The following SOS1 variants were observed in gnomAD, a reference collection of about 807,000 sequenced individuals.
SOS1 encodes the protein SOS Ras/Rac guanine nucleotide exchange factor 1.
Under a neutral mutation model 157.6 loss-of-function variants are expected in SOS1, and 25 were observed. The ratio of observed to expected loss-of-function variants is 0.16; its 90% CI spans 0.12 to 0.22. The LOEUF (loss-of-function observed/expected upper bound fraction) is 0.22, where lower values mean the gene tolerates loss of function less well. SOS1 is among the 10% of genes least tolerant of loss of function. The probability of loss-of-function intolerance (pLI) is 1.00; values close to 1 mark genes in which losing one functional copy is unlikely to be tolerated. For synonymous variants in SOS1, 528 were observed against 534.0 expected, an observed-to-expected ratio of 0.99 and a Z score of 0.16; for missense variants, 1,237 against 1,599.1, an observed-to-expected ratio of 0.77 and a Z score of 3.86.
At chr2:39,023,652 T>C (rs1669870083) in intron 9 of SOS1, 1 of 257,518 alleles carries the variant, frequency 3.9e-6, no homozygotes, top group Admixed American at 5.1e-5. Flanking sequence ...AGCAATGTTA[T>C]CTGAATTAAT....
intron 1 of SOS1, among the ~76,000 whole-genome samples, chr2:39,112,876 T>C (rs1485039887): frequency 6.6e-6 from 1 of 151,914 alleles, no homozygotes; most frequent in Non-Finnish European, 1.5e-5. Flanking sequence ...CTGTCTCTAC[T>C]AAAACACAAA....
At chr2:39,016,242 A>C (rs1445717352) in intron 10 of SOS1, among the ~76,000 whole-genome samples, 1 of 152,142 alleles carries the variant, frequency 6.6e-6, no homozygotes, top group Non-Finnish European at 1.5e-5. Context: ...TACTATTTTA[A>C]GTTAAAGATT....
At chr2:39,027,950 C>T (rs1400764361) in intron 8 of SOS1, among the ~76,000 whole-genome samples, 1 of 151,988 alleles carries the variant, frequency 6.6e-6, no homozygotes, top group African/African-American at 2.4e-5. Flanking sequence ...CCTACCTCAG[C>T]CTCCAGAGTA....
chr2:39,005,202 T>C (rs1477575908), intron 17 of SOS1, among the ~76,000 whole-genome samples: 2 of 152,162 alleles, frequency 1.3e-5, no homozygotes, highest in Admixed American at 6.5e-5. Context: ...GAATGTGGTC[T>C]TTCTCTCCCA....
chr2:39,119,106 A>C (rs1256002847), intron 1 of SOS1, among the ~76,000 whole-genome samples: 5 of 152,232 alleles, frequency 3.3e-5, no homozygotes, highest in Non-Finnish European at 7.3e-5. Flanking sequence ...ACAAGCTAAG[A>C]AGTCAAACTT....
chr2:39,103,642 G>A (rs1157037364), intron 1 of SOS1, among the ~76,000 whole-genome samples: 1 of 152,072 alleles, frequency 6.6e-6, no homozygotes. Context: ...AAAATTAACT[G>A]AAAATATATC....
At chr2:39,106,585 C>G (rs1274582344) in intron 1 of SOS1, among the ~76,000 whole-genome samples, 1 of 90,920 alleles carries the variant, frequency 1.1e-5, no homozygotes, top group Admixed American at 1.2e-4. Context: ...AGCGAGACTC[C>G]GTCTCAAAAA....
intron 5 of SOS1, among the ~76,000 whole-genome samples, chr2:39,052,855 A>G (rs188895894): frequency 2.0e-5 from 3 of 152,110 alleles, no homozygotes; most frequent in African/African-American, 7.2e-5. Flanking sequence ...TTATTGTTAT[A>G]AAGAACTGCC....
intron 10 of SOS1, among the ~76,000 whole-genome samples, chr2:39,016,729 T>G (rs946461358): frequency 6.6e-6 from 1 of 152,062 alleles, no homozygotes; most frequent in African/African-American, 2.4e-5. Context: ...AAAGGAAAAG[T>G]TTATTTCAGT....
rs2124537778 is a variant in SOS1 at position 39,023,165 on chromosome 2, C to T, written c.1263G>A (p.Lys421=). 1 of 1,613,226 alleles carries T rather than the reference C, an allele frequency of 6.2e-7. No homozygotes were observed. Among genetic ancestry groups the T allele is most frequent in the East Asian group, 2.2e-5 (1 of 44,866 alleles). ...QMKGKQLAIK[K]MNEIQKNIDG... ...CAATATTCTTCTGAATCTCGTTCAT[C>T]TTCTTGATTGCTAGTTGTTTCCCCT... Residue 421 remains lysine, a synonymous_variant, in exon 10 of 23, where the codon AAG becomes AAA. Transcript: ENST00000402219.
At chr2:38,988,117 G>C (rs941898972) in intron 21 of SOS1, among the ~76,000 whole-genome samples, 5 of 152,122 alleles carry the variant, frequency 3.3e-5, no homozygotes, top group African/African-American at 1.2e-4. Flanking sequence ...GTCTAGGTGA[G>C]GGGCCTCTCC....
intron 4 of SOS1, 46 bp downstream of exon 4, chr2:39,056,656 C>A: frequency 8.0e-7 from 1 of 1,248,578 alleles, no homozygotes; most frequent in South Asian, 1.2e-5. Flanking sequence ...TCTAATAAGT[C>A]ATAAAAAGAA....
intron 22 of SOS1, 23 bp downstream of exon 22, chr2:38,987,450 C>T: frequency 1.6e-6 from 2 of 1,215,150 alleles, no homozygotes; most frequent in Non-Finnish European, 2.4e-6. Flanking sequence ...CCAATTTCTA[C>T]ACAACAAGAT....
chr2:39,048,662 A>G (rs762152232), intron 6 of SOS1, among the ~76,000 whole-genome samples: 1 of 152,038 alleles, frequency 6.6e-6, no homozygotes, highest in South Asian at 2.1e-4. Context: ...TCAGTCTCCC[A>G]AAGTGCTGGG....
In SOS1 at chr2:39,058,713, G is replaced by A; in HGVS notation, c.305C>T (p.Pro102Leu). ...SAIEKRKRRN[P>L]LSLPVEKIHP... Reference sequence around the variant, plus strand: ...AATTTTTTCTACTGGGAGAGATAAAGGGTTTCTTCGCTTCCTCTTTTCAAT... The same window carrying A: ...AATTTTTTCTACTGGGAGAGATAAAAGGTTTCTTCGCTTCCTCTTTTCAAT... The change falls in exon 3 of 23, where the codon CCT becomes CTT. Residue 102 changes from proline to leucine, a missense_variant. Physicochemically the swap from Pro to Leu is moderately conservative, Grantham distance 98. Transcript: ENST00000402219. 1 of 1,612,890 alleles carries A rather than the reference G, an allele frequency of 6.2e-7. No homozygotes were observed. Among genetic ancestry groups the A allele is most frequent in the Non-Finnish European group, 8.5e-7 (1 of 1,179,140 alleles).
intron 17 of SOS1, among the ~76,000 whole-genome samples, chr2:39,000,839 T>G (rs1669073011): frequency 6.6e-6 from 1 of 152,192 alleles, no homozygotes; most frequent in Non-Finnish European, 1.5e-5. Context: ...ATGAAAGAAG[T>G]ATATTGTTTC....
At chr2:39,005,504 C>T (rs887241327) in intron 17 of SOS1, among the ~76,000 whole-genome samples, 2 of 151,808 alleles carry the variant, frequency 1.3e-5, no homozygotes, top group Admixed American at 6.6e-5. Flanking sequence ...TAATAAAATA[C>T]AAAAATATAA....
intron 10 of SOS1, among the ~76,000 whole-genome samples, chr2:39,019,974 TTTAC>T (rs1421731917): frequency 6.6e-6 from 1 of 151,690 alleles, no homozygotes; most frequent in Non-Finnish European, 1.5e-5. Flanking sequence ...ACCAGATCCT[TTTAC>T]TTAATTATTA....
chr2:39,059,647 AT>A (rs761043376), intron 2 of SOS1, among the ~76,000 whole-genome samples: 1 of 152,194 alleles, frequency 6.6e-6, no homozygotes, highest in Non-Finnish European at 1.5e-5. Flanking sequence ...CATCATCATA[AT>A]TATAAATCTG....
Sources: allele counts gnomAD v4.1 joint callset (sites outside exome capture counted in the v4.1 genomes callset), GRCh38; gene constraint gnomAD v4.1.1; transcripts MANE v1.5; gene names NCBI Gene and HGNC (gene_info 2026-07-23, HGNC 2026-07-21).